The following LTA variants were observed in gnomAD, a reference collection of about 807,000 sequenced individuals.
LTA encodes lymphotoxin alpha.
A neutral mutation model predicts 15.1 loss-of-function variants in LTA; 6 were observed. The observed-to-expected ratio is 0.40, with a 90% confidence interval of 0.22 to 0.78. The LOEUF (loss-of-function observed/expected upper bound fraction) is 0.78, where lower values mean the gene tolerates loss of function less well. Among genes scored for constraint, LTA ranks in the 30% least tolerant of loss-of-function variants. The probability of loss-of-function intolerance (pLI) is 0.38; values close to 1 mark genes in which losing one functional copy is unlikely to be tolerated. For synonymous variants in LTA, 87 were observed against 107.3 expected (o/e 0.81, Z 1.17); for missense variants, 173 against 249.5 (o/e 0.69, Z 2.06).
upstream of LTA, among the ~76,000 whole-genome samples, chr6:31,569,348 G>T (rs1770719193): frequency 2.0e-5 from 3 of 152,090 alleles, no homozygotes; most frequent in Admixed American, 2.0e-4. Flanking sequence ...CTCAGCTGGG[G>T]TCCCAGTCCA....
chr6:31,567,528 A>G (rs1036687405), upstream of LTA, among the ~76,000 whole-genome samples: 3 of 151,438 alleles, frequency 2.0e-5, no homozygotes, highest in Non-Finnish European at 2.9e-5. Flanking sequence ...GTGCCACTGC[A>G]CTCCAGCCTA....
Position 31,573,423 on chromosome 6 carries a change from T to C in LTA, c.348T>C (p.Ser116=), listed in dbSNP as rs774865164. The change falls in exon 4 of 4, where the codon TCT becomes TCC. Residue 116 remains serine, a synonymous_variant. Transcript: ENST00000418386. ...TCGTCTACTCCCAGGTGGTCTTCTCTGGGAAAGCCTACTCTCCCAAGGCCA... is the reference window on the plus strand; with the variant it reads ...TCGTCTACTCCCAGGTGGTCTTCTCCGGGAAAGCCTACTCTCCCAAGGCCA... The part of the protein sequence containing the change: ...IYFVYSQVVF[S]GKAYSPKATS... The C allele has an allele frequency of 1.2e-6, 2 of 1,614,152 alleles. No homozygotes were observed. Among genetic ancestry groups the C allele is most frequent in the African/African-American group, 2.7e-5 (2 of 75,032 alleles).
the LTA span, among the ~76,000 whole-genome samples, chr6:31,564,916 AAAAC>A: frequency 1.4e-4 from 22 of 152,252 alleles, no homozygotes; most frequent in East Asian, 2.3e-3. Flanking sequence ...CTTGTCTCAA[AAAAC>A]AAACAAACAA....
chr6:31,560,696 C>T, the LTA span, among the ~76,000 whole-genome samples: 3 of 152,094 alleles, frequency 2.0e-5, no homozygotes, highest in Non-Finnish European at 4.4e-5. Flanking sequence ...GTGGAGGATG[C>T]ATTGGGATTC....
the LTA span, among the ~76,000 whole-genome samples, chr6:31,564,562 T>C: frequency 6.6e-6 from 1 of 151,358 alleles, no homozygotes; most frequent in African/African-American, 2.4e-5. Context: ...GGATTACAAG[T>C]GTGAGCCACT....
At position 31,573,815 on chromosome 6, in the gene LTA, T is replaced by G. The variant is rs992363176; in HGVS notation, c.*122T>G. The G allele has an allele frequency of 8.7e-7, 1 of 1,149,548 alleles. No homozygotes were observed. Among genetic ancestry groups the G allele is most frequent in the African/African-American group, 1.5e-5 (1 of 65,602 alleles). 71.2% of individuals were successfully genotyped at this position (1,149,548 alleles called of 1,614,324 possible). ...CCTTTGGCCATTCCAACAGCTCAAG[T>G]CTTCCCTGATCAAGTCACCGGAGCT... On this transcript the variant is annotated 3_prime_UTR_variant, in exon 4 of 4. Transcript: ENST00000418386.
At chr6:31,572,702 C>CTG in intron 1 of LTA, 32 bp from the exon 2 acceptor site, 1,278 of 1,448,362 alleles carry the variant, frequency 8.8e-4, no homozygotes, top group Non-Finnish European at 1.1e-3. Flanking sequence ...GCCCCGCTCA[C>CTG]TGTCTCTCTC....
chr6:31,572,060 C>G (rs1466455025), upstream of LTA: 1 of 154,512 alleles, frequency 6.5e-6, no homozygotes, highest in East Asian at 1.9e-4. Context: ...GCCCTCCCAG[C>G]CCACGATTCC....
At position 31,572,745 on chromosome 6, in the gene LTA, GA is replaced by G; in HGVS notation, c.4del (p.Thr2HisfsTer93). On this transcript the variant is annotated frameshift_variant, in exon 2 of 4. Coordinates refer to ENST00000418386, the MANE Select transcript of LTA (RefSeq NM_000595.4). LOFTEE classifies it high-confidence loss of function. ...CTCTTTCTCTGCAGGTTCTCCCCAT[GA>G]CACCACCTGAACGTCTCTTCCTCCC... is the stretch of plus-strand genomic sequence containing the variant. The part of the protein sequence containing the change: M[T>X]PPERLFLPRV... The G allele has an allele frequency of 6.2e-7, 1 of 1,606,122 alleles. No individual in the cohort carries two copies. Among genetic ancestry groups the G allele is most frequent in the Non-Finnish European group, 8.5e-7 (1 of 1,177,968 alleles).
chr6:31,572,952 CCTT>C lies in LTA; in HGVS notation c.126_128del (p.Ser43del), dbSNP rs1206001614. On this transcript the variant is annotated inframe_deletion, in exon 3 of 4. Coordinates refer to ENST00000418386, the MANE Select transcript of LTA (RefSeq NM_000595.4). ...GGGGCTCCCTGGTGTTGGCCTCACA[CCTT>C]CAGCTGCCCAGACTGCCCGTCAGCA... 1.2e-6 allele frequency: 2 copies of C among 1,612,684 alleles called. No homozygotes were observed. The highest frequency in any genetic ancestry group is 2.7e-5 in the African/African-American group (2 of 74,790).
At chr6:31,562,119 G>A in the LTA span, among the ~76,000 whole-genome samples, 1 of 151,608 alleles carries the variant, frequency 6.6e-6, no homozygotes, top group Non-Finnish European at 1.5e-5. Context: ...GGCACGGGGG[G>A]CGGGGGATGC....
intron 3 of LTA, 94 bp from the exon 4 acceptor site, chr6:31,573,187 G>T: frequency 7.7e-7 from 1 of 1,297,244 alleles, no homozygotes. Flanking sequence ...CCATCCCCCA[G>T]GAACTCAGTT....
Position 31,573,515 on chromosome 6 carries a change from C to T in LTA, c.440C>T (p.Pro147Leu). Residue 147 changes from proline (P) to leucine (L), a missense_variant, in exon 4 of 4, where the codon CCT becomes CTT. Pro to Leu is a moderately conservative substitution (Grantham distance 98). Coordinates refer to ENST00000418386, the MANE Select transcript of LTA (RefSeq NM_000595.4). ...TCCTCCCAGTACCCCTTCCATGTGC[C>T]TCTCCTCAGCTCCCAGAAGATGGTG... ...LFSSQYPFHV[P>L]LLSSQKMVYP... 1 of 1,614,028 alleles carries T rather than the reference C, an allele frequency of 6.2e-7. No homozygotes were observed. Among genetic ancestry groups the T allele is most frequent in the Non-Finnish European group, 8.5e-7 (1 of 1,179,976 alleles).
intron 1 of LTA, 23 bp from the exon 2 acceptor site, chr6:31,572,711 T>TCG: frequency 6.5e-7 from 1 of 1,547,080 alleles, no homozygotes; most frequent in Non-Finnish European, 8.9e-7. Flanking sequence ...ACTGTCTCTC[T>TCG]CTCTCTCTCT....
At position 31,573,844 on chromosome 6, in the gene LTA, A is replaced by G; in HGVS notation, c.*151A>G. On this transcript the variant is annotated 3_prime_UTR_variant, in exon 4 of 4. Transcript: ENST00000418386. Reference sequence around the variant, plus strand: ...CCCTGATCAAGTCACCGGAGCTTTCAAAGAAGGAATTCTAGGCATCCCAGG... The same window carrying G: ...CCCTGATCAAGTCACCGGAGCTTTCGAAGAAGGAATTCTAGGCATCCCAGG... The G allele has an allele frequency of 1.1e-6, 1 of 932,976 alleles. No individual in the cohort carries two copies. The highest frequency in any genetic ancestry group is 1.7e-6 in the Non-Finnish European group (1 of 592,556). 57.8% of individuals were successfully genotyped at this position (932,976 alleles called of 1,614,324 possible).
At chr6:31,572,102 C>T (rs1770857003), upstream of LTA, 1 of 154,572 alleles carries the variant, frequency 6.5e-6, no homozygotes, top group Non-Finnish European at 1.5e-5. Context: ...AGAACTCAGT[C>T]GCCTGAACCC....
intron 1 of LTA, 76 bp from the exon 2 acceptor site, chr6:31,572,658 C>CGTATCATTAAAAA: frequency 3.8e-6 from 4 of 1,039,734 alleles, no homozygotes; most frequent in African/African-American, 1.6e-5. Flanking sequence ...TGCTCTCTCC[C>CGTATCATTAAAAA]AGGGCGGGAG....
rs1770872990 is a variant in LTA, at chr6:31,572,300, C to G, written c.-156C>G. 1 of 242,998 alleles carries G rather than the reference C, an allele frequency of 4.1e-6. No individual in the cohort carries two copies. Among genetic ancestry groups the G allele is most frequent in the Non-Finnish European group, 8.0e-6 (1 of 125,500 alleles). 15.1% of individuals were successfully genotyped at this position (242,998 alleles called of 1,614,324 possible). A position where few individuals can be genotyped will look rare whatever the true frequency, so the allele number is the denominator to read the frequency against. On this transcript the variant is annotated 5_prime_UTR_variant, in exon 1 of 4. Coordinates refer to ENST00000418386, the MANE Select transcript of LTA (RefSeq NM_000595.4). ...GTCCGGGCCCAGGGGCTCCGCACAG[C>G]AGGTGAGGCTCTCCTGCCCCATCTC...
At chr6:31,563,533 T>G in the LTA span, among the ~76,000 whole-genome samples, 2,260 of 152,306 alleles carry the variant, frequency 0.015, 30 homozygotes, top group Admixed American at 0.024. Context: ...GTTATAGGCC[T>G]CTTATGGTGA....
Sources: allele counts gnomAD v4.1 joint callset (sites outside exome capture counted in the v4.1 genomes callset), GRCh38; gene constraint gnomAD v4.1.1; transcripts MANE v1.5; gene names NCBI Gene and HGNC (gene_info 2026-07-23, HGNC 2026-07-21).